The following CDKAL1 variants were observed in gnomAD, a reference collection of about 807,000 sequenced individuals.
The protein encoded by CDKAL1 is CDKAL1 threonylcarbamoyladenosine tRNA methylthiotransferase, also known as threonylcarbamoyladenosine tRNA methylthiotransferase.
Under a neutral mutation model 68.2 loss-of-function variants are expected in CDKAL1, and 32 were observed. That is an observed-to-expected ratio of 0.47 (90% confidence interval 0.35 to 0.63). The LOEUF (loss-of-function observed/expected upper bound fraction) is 0.63, where lower values mean the gene tolerates loss of function less well. Ranked by LOEUF, CDKAL1 falls within the 30% of genes least tolerant of loss-of-function variation. The probability of loss-of-function intolerance (pLI) is 0.00; values close to 1 mark genes in which losing one functional copy is unlikely to be tolerated. For synonymous variants in CDKAL1, 234 were observed against 244.3 expected (o/e 0.96, Z 0.39); for missense variants, 606 against 696.7 (o/e 0.87, Z 1.47).
intron 13 of CDKAL1, among the ~76,000 whole-genome samples, chr6:21,118,896 A>G (rs1774560297): frequency 6.6e-6 from 1 of 152,248 alleles, no homozygotes; most frequent in Admixed American, 6.5e-5. Flanking sequence ...TTGAAGTATA[A>G]CAATAATCCA....
intron 12 of CDKAL1, among the ~76,000 whole-genome samples, chr6:21,095,974 G>C (rs1773293697): frequency 6.6e-6 from 1 of 152,224 alleles, no homozygotes; most frequent in African/African-American, 2.4e-5. Context: ...ATGGGGCAGA[G>C]AGAGATATCA....
chr6:21,077,313 T>C (rs11963640), intron 12 of CDKAL1, among the ~76,000 whole-genome samples: 64,611 of 151,956 alleles, frequency 0.43, 14,238 homozygotes, highest in East Asian at 0.66. Context: ...TTCATTGTTA[T>C]AGGGGCTCAA....
chr6:20,536,809 C>CA (rs899859634), intron 2 of CDKAL1, among the ~76,000 whole-genome samples: 3 of 151,906 alleles, frequency 2.0e-5, no homozygotes, highest in Non-Finnish European at 2.9e-5. Context: ...CTTGTTTTTA[C>CA]AAAAAAACTG....
At chr6:21,067,104 T>C (rs1771495043) in intron 12 of CDKAL1, among the ~76,000 whole-genome samples, 1 of 152,212 alleles carries the variant, frequency 6.6e-6, no homozygotes, top group Non-Finnish European at 1.5e-5. Context: ...TGTGCACTTT[T>C]GTAAAGTGAA....
chr6:20,547,377 C>T (rs1763649699), intron 3 of CDKAL1, among the ~76,000 whole-genome samples: 1 of 152,030 alleles, frequency 6.6e-6, no homozygotes, highest in Admixed American at 6.6e-5. Context: ...GTTTGTGATT[C>T]TTATGAGACA....
At chr6:21,023,599 C>T (rs934921224) in intron 11 of CDKAL1, among the ~76,000 whole-genome samples, 2 of 152,178 alleles carry the variant, frequency 1.3e-5, no homozygotes, top group East Asian at 1.9e-4. Context: ...TGAAAGTCTC[C>T]AAATCATTAA....
chr6:20,819,499 C>G (rs1207616374), intron 8 of CDKAL1, among the ~76,000 whole-genome samples: 1 of 152,114 alleles, frequency 6.6e-6, no homozygotes, highest in African/African-American at 2.4e-5. Context: ...AGAGCTCTGT[C>G]TCCTGTTTTT....
At chr6:21,154,966 G>A (rs1776578792) in intron 13 of CDKAL1, among the ~76,000 whole-genome samples, 1 of 151,454 alleles carries the variant, frequency 6.6e-6, no homozygotes, top group Admixed American at 6.6e-5. Context: ...ACTCCAGCCT[G>A]GCCACAGAGC....
At chr6:20,632,969 T>C (rs1350954175) in intron 4 of CDKAL1, among the ~76,000 whole-genome samples, 1 of 152,258 alleles carries the variant, frequency 6.6e-6, no homozygotes, top group South Asian at 2.1e-4. Context: ...AGGTGGAAGA[T>C]ACATTTAGGC....
At chr6:21,079,984 G>GTGTGTGTGTA (rs1446008478) in intron 12 of CDKAL1, among the ~76,000 whole-genome samples, 2 of 150,410 alleles carry the variant, frequency 1.3e-5, no homozygotes, top group Non-Finnish European at 3.0e-5. Context: ...CTCTGTGTGT[G>GTGTGTGTGTA]TGTGTGTGTG....
chr6:20,824,746 A>G (rs747282703), intron 8 of CDKAL1, among the ~76,000 whole-genome samples: 9 of 152,158 alleles, frequency 5.9e-5, no homozygotes, highest in Non-Finnish European at 1.3e-4. Flanking sequence ...TCCTGCCTAC[A>G]CGTAGGGGGA....
chr6:20,873,617 A>G (rs4645410), intron 9 of CDKAL1, among the ~76,000 whole-genome samples: 28,977 of 152,088 alleles, frequency 0.19, 3,043 homozygotes, highest in Middle Eastern at 0.28. Flanking sequence ...TGTTCCCAAT[A>G]AGTGCTGATA....
At chr6:21,134,647 A>C (rs7764887) in intron 13 of CDKAL1, among the ~76,000 whole-genome samples, 1 of 152,164 alleles carries the variant, frequency 6.6e-6, no homozygotes, top group African/African-American at 2.4e-5. Context: ...GCAAATGATC[A>C]TAGTTTTTGT....
chr6:21,120,054 C>G (rs116018023), intron 13 of CDKAL1, among the ~76,000 whole-genome samples: 2,106 of 152,322 alleles, frequency 0.014, 44 homozygotes, highest in African/African-American at 0.048. Flanking sequence ...GAGGATTGCT[C>G]TCACCTCTTG....
chr6:20,788,632 G>A (rs1347181111), intron 8 of CDKAL1, among the ~76,000 whole-genome samples: 1 of 152,206 alleles, frequency 6.6e-6, no homozygotes, highest in Non-Finnish European at 1.5e-5. Context: ...CATGGGTATA[G>A]TGCTACCTAC....
chr6:21,180,054 T>C (rs542544244), intron 13 of CDKAL1, among the ~76,000 whole-genome samples: 6 of 152,264 alleles, frequency 3.9e-5, no homozygotes, highest in Non-Finnish European at 7.4e-5. Flanking sequence ...TTCACCATTA[T>C]AAACTATGTG....
chr6:21,106,370 A>G (rs1467553888), intron 12 of CDKAL1, among the ~76,000 whole-genome samples: 2 of 152,230 alleles, frequency 1.3e-5, no homozygotes, highest in East Asian at 3.8e-4. Flanking sequence ...CATAACTGCA[A>G]GTTCTACATC....
intron 9 of CDKAL1, among the ~76,000 whole-genome samples, chr6:20,875,679 G>GAA (rs142990325): frequency 1.3e-5 from 2 of 151,450 alleles, no homozygotes; most frequent in South Asian, 2.1e-4. Flanking sequence ...CTTCACTAAT[G>GAA]AAAAAAAATA....
chr6:21,031,484 G>C (rs1035425300), intron 11 of CDKAL1, among the ~76,000 whole-genome samples: 2 of 151,890 alleles, frequency 1.3e-5, no homozygotes, highest in Non-Finnish European at 2.9e-5. Flanking sequence ...ATTCGGGTTT[G>C]GTTGAATAAC....
Sources: gnomAD v4.1 joint callset for allele counts (sites outside exome capture counted in the v4.1 genomes callset) on GRCh38, gnomAD v4.1.1 for gene constraint, MANE v1.5 for transcripts, NCBI Gene and HGNC (gene_info 2026-07-23, HGNC 2026-07-21) for gene names.